AUTS2: variants seen among roughly 807,000 people sequenced by gnomAD.
The protein encoded by AUTS2 is autism susceptibility gene 2 protein.
A neutral mutation model predicts 112.4 loss-of-function variants in AUTS2; 17 were observed. The observed-to-expected ratio is 0.15, with a 90% confidence interval of 0.10 to 0.23. The LOEUF (loss-of-function observed/expected upper bound fraction) is 0.23. Among genes scored for constraint, AUTS2 ranks in the 10% least tolerant of loss-of-function variants. AUTS2 has a pLI of 1.00. For synonymous variants in AUTS2, 751 were observed against 702.7 expected, an observed-to-expected ratio of 1.07 and a Z score of -1.09; for missense variants, 1,510 against 1,701.6, an observed-to-expected ratio of 0.89 and a Z score of 1.98.
chr7:70,006,983 G>A (rs560150365), intron 2 of AUTS2, among the ~76,000 whole-genome samples: 2 of 152,130 alleles, frequency 1.3e-5, no homozygotes, highest in South Asian at 4.2e-4. Context: ...ATTCTTGTTC[G>A]TATCCCTAGG....
At chr7:69,900,147 A>G (rs1450100585) in intron 2 of AUTS2, among the ~76,000 whole-genome samples, 2 of 152,200 alleles carry the variant, frequency 1.3e-5, no homozygotes, top group Non-Finnish European at 2.9e-5. Context: ...GGCATTTGGG[A>G]AGCCTTTCTG....
chr7:70,124,519 T>G (rs973822079), intron 3 of AUTS2, among the ~76,000 whole-genome samples: 6 of 152,122 alleles, frequency 3.9e-5, no homozygotes, highest in African/African-American at 1.2e-4. Context: ...CCATCTTGAG[T>G]TGGTTTTTGT....
chr7:70,123,687 T>A (rs186353059), intron 3 of AUTS2, among the ~76,000 whole-genome samples: 2 of 152,210 alleles, frequency 1.3e-5, no homozygotes, highest in Admixed American at 1.3e-4. Flanking sequence ...ATCTTGTTGA[T>A]TTTTATGGCA....
At chr7:70,619,714 G>T (rs1220650750) in intron 5 of AUTS2, among the ~76,000 whole-genome samples, 3 of 152,168 alleles carry the variant, frequency 2.0e-5, no homozygotes, top group Non-Finnish European at 1.5e-5. Flanking sequence ...AGGTAAGGGA[G>T]AATTGCCTGT....
At chr7:69,833,463 T>A (rs752970748) in intron 1 of AUTS2, among the ~76,000 whole-genome samples, 15 of 152,030 alleles carry the variant, frequency 9.9e-5, no homozygotes, top group Non-Finnish European at 2.1e-4. Context: ...TGAGATGGAG[T>A]CTCACTCTGT....
Position 70,771,524 on chromosome 7 carries a change from TCCCCC to T in AUTS2, c.1735-24_1735-20del. ...ACTTGCCTCCTACTAAAATCTTTTT[TCCCCC>T]TCTCCGTCTTTGGCCACAGCTCTTC... is the stretch of plus-strand genomic sequence containing the variant. On this transcript the variant is annotated intron_variant, in intron 10 of 18. Coordinates refer to ENST00000342771, the MANE Select transcript of AUTS2 (RefSeq NM_015570.4). The T allele has an allele frequency of 6.3e-7, 1 of 1,577,510 alleles. No individual in the cohort carries two copies. Among genetic ancestry groups the T allele is most frequent in the Admixed American group, 1.7e-5 (1 of 57,406 alleles).
chr7:70,765,633 T>C (rs1044142832), intron 8 of AUTS2, among the ~76,000 whole-genome samples: 3 of 152,210 alleles, frequency 2.0e-5, no homozygotes, highest in African/African-American at 7.2e-5. Flanking sequence ...GAAGAGGACA[T>C]GCGAGCCCTG....
intron 4 of AUTS2, among the ~76,000 whole-genome samples, chr7:70,393,001 A>C (rs10276442): frequency 0.24 from 36,068 of 152,162 alleles, 4,654 homozygotes; most frequent in African/African-American, 0.33. Context: ...CTCAGCTCTT[A>C]CTGCCTTGCA....
At chr7:70,150,759 A>G (rs1215961637) in intron 4 of AUTS2, among the ~76,000 whole-genome samples, 1 of 152,194 alleles carries the variant, frequency 6.6e-6, no homozygotes, top group Admixed American at 6.5e-5. Context: ...TCTTTTCATG[A>G]CACTCATAGT....
At chr7:70,073,601 T>A (rs143981492) in intron 2 of AUTS2, among the ~76,000 whole-genome samples, 192 of 152,250 alleles carry the variant, frequency 1.3e-3, no homozygotes, top group Admixed American at 2.6e-3. Context: ...ACAGATGAGT[T>A]ATGTATTATT....
chr7:70,711,075 T>G (rs1266071511), intron 6 of AUTS2, among the ~76,000 whole-genome samples: 2 of 152,308 alleles, frequency 1.3e-5, no homozygotes, highest in South Asian at 4.1e-4. Context: ...TAACTGTTAT[T>G]TGACCACATG....
At chr7:70,083,933 C>A (rs916400425) in intron 2 of AUTS2, among the ~76,000 whole-genome samples, 1 of 151,892 alleles carries the variant, frequency 6.6e-6, no homozygotes, top group African/African-American at 2.4e-5. Context: ...GGTGATAGAG[C>A]GAGATTCCAT....
chr7:69,956,381 A>G (rs1797210766), intron 2 of AUTS2, among the ~76,000 whole-genome samples: 1 of 152,318 alleles, frequency 6.6e-6, no homozygotes, highest in Admixed American at 6.5e-5. Flanking sequence ...TTATATATGC[A>G]GTAAACTCTA....
At chr7:70,594,689 G>T (rs186833731) in intron 5 of AUTS2, among the ~76,000 whole-genome samples, 1 of 152,178 alleles carries the variant, frequency 6.6e-6, no homozygotes, top group African/African-American at 2.4e-5. Flanking sequence ...TTGTATGGGC[G>T]GAGGTTGCAA....
chr7:70,255,640 A>G (rs1359641354), intron 4 of AUTS2, among the ~76,000 whole-genome samples: 1 of 152,166 alleles, frequency 6.6e-6, no homozygotes, highest in Non-Finnish European at 1.5e-5. Flanking sequence ...AATATCCTTC[A>G]AAAGCTCACA....
chr7:70,675,379 G>A (rs1301995362), intron 5 of AUTS2, among the ~76,000 whole-genome samples: 1 of 152,098 alleles, frequency 6.6e-6, no homozygotes, highest in Non-Finnish European at 1.5e-5. Context: ...TGTAATCCCA[G>A]CTACTCAGGA....
At chr7:70,335,504 AGTCT>A (rs1790947895) in intron 4 of AUTS2, among the ~76,000 whole-genome samples, 1 of 152,190 alleles carries the variant, frequency 6.6e-6, no homozygotes, top group Non-Finnish European at 1.5e-5. Flanking sequence ...TTTAACCAGG[AGTCT>A]GTCCTTTCTA....
At chr7:69,723,508 A>G (rs992096006) in intron 1 of AUTS2, among the ~76,000 whole-genome samples, 3 of 152,134 alleles carry the variant, frequency 2.0e-5, no homozygotes, top group African/African-American at 7.2e-5. Flanking sequence ...CTCATTTGTT[A>G]GATGATGATA....
At chr7:70,474,897 T>TG (rs1797523561) in intron 5 of AUTS2, among the ~76,000 whole-genome samples, 1 of 152,234 alleles carries the variant, frequency 6.6e-6, no homozygotes, top group East Asian at 1.9e-4. Flanking sequence ...GGTTTAGGTC[T>TG]GGCTCATACT....
Sources: gnomAD v4.1 joint callset for allele counts (sites outside exome capture counted in the v4.1 genomes callset) on GRCh38, gnomAD v4.1.1 for gene constraint, MANE v1.5 for transcripts, NCBI Gene and HGNC (gene_info 2026-07-23, HGNC 2026-07-21) for gene names.